RAB3IP: variants seen among roughly 807,000 people sequenced by gnomAD.
RAB3IP encodes the protein RAB3A interacting protein.
A neutral mutation model predicts 59.1 loss-of-function variants in RAB3IP; 36 were observed. That is an observed-to-expected ratio of 0.61 (90% CI 0.47 to 0.80). The LOEUF (loss-of-function observed/expected upper bound fraction) is 0.80. RAB3IP is among the 30% of genes least tolerant of loss of function. The pLI is 0.00. For missense variants in RAB3IP, 511 were observed against 536.0 expected, an observed-to-expected ratio of 0.95 and a Z score of 0.46; for synonymous variants, 207 against 191.2, an observed-to-expected ratio of 1.08 and a Z score of -0.68.
chr12:69,803,109 T>C (rs1161851565), intron 8 of RAB3IP, among the ~76,000 whole-genome samples: 1 of 152,192 alleles, frequency 6.6e-6, no homozygotes, highest in Non-Finnish European at 1.5e-5. Flanking sequence ...GTGCTTGCAT[T>C]ATATATCACA....
At chr12:69,772,085 A>G (rs546285483) in intron 3 of RAB3IP, among the ~76,000 whole-genome samples, 3 of 152,128 alleles carry the variant, frequency 2.0e-5, no homozygotes, top group Admixed American at 6.5e-5. Flanking sequence ...TTTTATGTCT[A>G]TTAATATTTG....
chr12:69,744,657 A>G (rs982628428), intron 1 of RAB3IP, among the ~76,000 whole-genome samples: 3 of 149,428 alleles, frequency 2.0e-5, no homozygotes, highest in African/African-American at 7.4e-5. Context: ...GTGCCACTGC[A>G]CTCCAGCCTG....
At chr12:69,807,889 C>A (rs1000689680) in intron 8 of RAB3IP, among the ~76,000 whole-genome samples, 12 of 143,734 alleles carry the variant, frequency 8.3e-5, no homozygotes, top group African/African-American at 3.1e-4. Flanking sequence ...CGGAGACGCT[C>A]CTCACCTCCC....
At chr12:69,805,051 A>T (rs971066434) in intron 8 of RAB3IP, among the ~76,000 whole-genome samples, 6 of 152,304 alleles carry the variant, frequency 3.9e-5, no homozygotes, top group African/African-American at 1.4e-4. Flanking sequence ...TGGTAGCTTG[A>T]TGGGGATGGC....
At chr12:69,794,399 T>A in intron 4 of RAB3IP, 38 bp from the exon 5 acceptor site, 2 of 1,530,404 alleles carry the variant, frequency 1.3e-6, no homozygotes, top group Non-Finnish European at 1.8e-6. Context: ...AAACAAATGC[T>A]ACTTTGTTTC....
chr12:69,744,334 A>G (rs1887638216), intron 1 of RAB3IP, among the ~76,000 whole-genome samples: 1 of 152,158 alleles, frequency 6.6e-6, no homozygotes, highest in Non-Finnish European at 1.5e-5. Flanking sequence ...ATTAAATATA[A>G]TATTAGCTCA....
At chr12:69,803,483 T>A (rs1408887981) in intron 8 of RAB3IP, among the ~76,000 whole-genome samples, 2 of 151,306 alleles carry the variant, frequency 1.3e-5, no homozygotes, top group East Asian at 3.9e-4. Context: ...TGGTTTAAGT[T>A]TTTTTTTTAA....
In RAB3IP at chr12:69,781,644, T is replaced by C. The variant is rs140453371; in HGVS notation, c.511-3076T>C. 7.0e-4 allele frequency among the ~76,000 whole-genome samples: 107 copies of C among 152,328 alleles called. No individual in the cohort carries two copies. In the Middle Eastern group the frequency reaches 0.014, roughly 19 times the overall value. ...CATATAGTGTGTAGCCTTTTCAGAT[T>C]GGCTTCTTTCACTTAGTAATGTGCA... is the stretch of plus-strand genomic sequence containing the variant. On this transcript the variant is annotated intron_variant, in intron 3 of 10. Transcript: ENST00000247833.
In RAB3IP at chr12:69,766,911, A is replaced by G. The variant is rs541908030; in HGVS notation, c.510+10248A>G. ...GAAGTTTCTTCTATGTTGATTGTCA[A>G]CTCTGTCTTGGATCTCATTGATCTT... On this transcript the variant is annotated intron_variant, in intron 3 of 10. Transcript: ENST00000247833. Among the ~76,000 whole-genome samples, 67 of 151,624 alleles carry G rather than the reference A, an allele frequency of 4.4e-4. 1 individual carries two copies. Among genetic ancestry groups the G allele is most frequent in the African/African-American group, 1.4e-3 (56 of 41,302 alleles).
In RAB3IP at chr12:69,801,740, G is replaced by A. The variant is rs781479689; in HGVS notation, c.1130+19G>A. ...GACCAAAGTAGGTTTTTACGTGCAT[G>A]AACTGTGAAAGTGACTGAGTTTTTG... On this transcript the variant is annotated intron_variant, in intron 8 of 10. Coordinates refer to ENST00000247833, the MANE Select transcript of RAB3IP (RefSeq NM_022456.5). The A allele has an allele frequency of 1.0e-5, 15 of 1,451,570 alleles. No homozygotes were observed. The Admixed American group carries it at 2.4e-4, about 23-fold the overall frequency. The allele number at this position is 1,451,570 out of a possible 1,614,324, so 89.9% of individuals were successfully genotyped here. A position where few individuals can be genotyped will look rare whatever the true frequency, so the allele number is the denominator to read the frequency against.
chr12:69,755,706 G>GT (rs781470300), intron 2 of RAB3IP, 47 bp downstream of exon 2: 2 of 1,455,846 alleles, frequency 1.4e-6, no homozygotes, highest in East Asian at 4.6e-5. Context: ...AAAATGGACA[G>GT]TTTGCTTAGT....
intron 6 of RAB3IP, chr12:69,796,757 T>A (rs1247833155): frequency 2.2e-6 from 1 of 454,046 alleles, no homozygotes; most frequent in African/African-American, 2.0e-5. Flanking sequence ...ATTCTAATTC[T>A]TTGGAATTTA....
chr12:69,746,006 G>A (rs1395693126), intron 1 of RAB3IP, among the ~76,000 whole-genome samples: 2 of 152,110 alleles, frequency 1.3e-5, no homozygotes, highest in African/African-American at 4.8e-5. Context: ...TGAATGCTCT[G>A]AAGATTAACT....
At chr12:69,799,616 C>CT (rs891066047) in intron 6 of RAB3IP, among the ~76,000 whole-genome samples, 73 of 151,134 alleles carry the variant, frequency 4.8e-4, no homozygotes, top group African/African-American at 1.3e-3. Context: ...TTTACGTATT[C>CT]TTTTTTTTTA....
intron 6 of RAB3IP, 27 bp from the exon 7 acceptor site, chr12:69,800,182 T>C (rs1362151219): frequency 6.7e-7 from 1 of 1,487,992 alleles, no homozygotes; most frequent in East Asian, 2.5e-5. Context: ...TTAAAACATG[T>C]TTTTGTGTTT....
At chr12:69,747,293 CGTGTGTGTGTGTGT>C (rs111438084) in intron 1 of RAB3IP, among the ~76,000 whole-genome samples, 9 of 137,794 alleles carry the variant, frequency 6.5e-5, no homozygotes, top group East Asian at 6.4e-4. Flanking sequence ...CTTGCCCTTT[CGTGTGTGTGTGTGT>C]GTGTGTGTGT....
In RAB3IP at chr12:69,795,480, TAG is replaced by T. The variant is rs983710815; in HGVS notation, c.888+139_888+140del. On this transcript the variant is annotated intron_variant, in intron 6 of 10. Transcript: ENST00000247833. ...GTATTAAGATGGGGGAGGCTTTATC[TAG>T]AGCTGGCTGCTTTCAGGGATTCTTC... is the stretch of plus-strand genomic sequence containing the variant. The T allele has an allele frequency of 1.2e-3, 812 of 682,096 alleles. 8 individuals carry two copies. Among genetic ancestry groups the T allele is most frequent in the Non-Finnish European group, 1.0e-4 (39 of 387,200 alleles). 42.3% of individuals were successfully genotyped at this position (682,096 alleles called of 1,614,324 possible). A position where few individuals can be genotyped will look rare whatever the true frequency, so the allele number is the denominator to read the frequency against.
At chr12:69,753,927 G>A (rs1869744716) in intron 1 of RAB3IP, among the ~76,000 whole-genome samples, 1 of 152,122 alleles carries the variant, frequency 6.6e-6, no homozygotes. Context: ...TACATGAACT[G>A]TTTTTTGCTT....
chr12:69,791,898 T>A (rs969789778), intron 4 of RAB3IP, among the ~76,000 whole-genome samples: 3 of 152,170 alleles, frequency 2.0e-5, no homozygotes, highest in Non-Finnish European at 4.4e-5. Context: ...GTAGCAAAGT[T>A]ATGGAAACAA....
Sources: gnomAD v4.1 joint callset for allele counts (sites outside exome capture counted in the v4.1 genomes callset) on GRCh38, gnomAD v4.1.1 for gene constraint, MANE v1.5 for transcripts, NCBI Gene and HGNC (gene_info 2026-07-23, HGNC 2026-07-21) for gene names.